USP43: variants seen among roughly 807,000 people sequenced by gnomAD.
The protein encoded by USP43 is ubiquitin carboxyl-terminal hydrolase 43.
A neutral mutation model predicts 90.7 loss-of-function variants in USP43; 33 were observed. The ratio of observed to expected loss-of-function variants is 0.36; its 90% CI spans 0.28 to 0.49. The LOEUF (loss-of-function observed/expected upper bound fraction) is 0.49. Ranked by LOEUF, USP43 falls within the 20% of genes least tolerant of loss-of-function variation. The pLI is 0.98. For synonymous variants in USP43, 598 were observed against 615.8 expected (o/e 0.97, Z 0.43); for missense variants, 1,274 against 1,476.4 (o/e 0.86, Z 2.25).
intron 9 of USP43, among the ~76,000 whole-genome samples, chr17:9,698,060 C>G (rs932840323): frequency 6.6e-6 from 1 of 152,160 alleles, no homozygotes; most frequent in Non-Finnish European, 1.5e-5. Context: ...TTCACTGTGG[C>G]TTTAATTTGC....
intron 1 of USP43, among the ~76,000 whole-genome samples, chr17:9,653,540 G>C (rs1203573646): frequency 6.6e-6 from 1 of 151,852 alleles, no homozygotes; most frequent in African/African-American, 2.4e-5. Flanking sequence ...GTGAGCCAAG[G>C]TCGTGCCATT....
chr17:9,693,001 CG>C (rs1238432039), intron 8 of USP43, 125 bp from the exon 9 acceptor site: 1 of 753,424 alleles, frequency 1.3e-6, no homozygotes, highest in Admixed American at 2.9e-5. Flanking sequence ...CTAATTATTA[CG>C]GGAATATTCA....
intron 1 of USP43, among the ~76,000 whole-genome samples, chr17:9,650,078 T>TA (rs1260514183): frequency 6.6e-6 from 1 of 152,192 alleles, no homozygotes; most frequent in African/African-American, 2.4e-5. Context: ...TTACGTTTTG[T>TA]AAGTTCTGGA....
chr17:9,657,534 C>A lies in USP43; in HGVS notation c.636+1000C>A, dbSNP rs187099492. 7.1e-4 allele frequency among the ~76,000 whole-genome samples: 108 copies of A among 152,048 alleles called. 2 individuals are homozygous for A. The highest frequency in any genetic ancestry group is 6.9e-3 in the Admixed American group (106 of 15,256). On this transcript the variant is annotated intron_variant, in intron 2 of 14. Transcript: ENST00000285199. ...AGAAAAGAAAAAAAAGGAGACATAC[C>A]TGAGACTGGGTAATTTATAAGGGAA... is the stretch of plus-strand genomic sequence containing the variant.
In USP43 at chr17:9,676,885, T is replaced by G; in HGVS notation, c.969+4T>G. The G allele has an allele frequency of 1.2e-6, 2 of 1,612,924 alleles. No homozygotes were observed. The highest frequency in any genetic ancestry group is 1.1e-5 in the South Asian group (1 of 90,914). The stretch of plus-strand genomic sequence containing the variant: ...AGGAGGCGTCCCTGCAGATGAGGTG[T>G]GATAGAATTGCACTGGGGCCTGGTC... On this transcript the variant is annotated splice_donor_region_variant and intron_variant, in intron 5 of 14. Transcript: ENST00000285199.
intron 5 of USP43, among the ~76,000 whole-genome samples, chr17:9,679,668 G>A (rs1164267124): frequency 6.6e-6 from 1 of 151,914 alleles, no homozygotes; most frequent in African/African-American, 2.4e-5. Context: ...TGGGACTACA[G>A]GCACCCAAAA....
intron 14 of USP43, among the ~76,000 whole-genome samples, chr17:9,722,249 C>T (rs1917000153): frequency 2.0e-5 from 3 of 152,110 alleles, no homozygotes. Flanking sequence ...CCCTTTTCTT[C>T]TTTCTTTTTG....
At chr17:9,695,940 C>T (rs918347025) in intron 9 of USP43, among the ~76,000 whole-genome samples, 10 of 152,112 alleles carry the variant, frequency 6.6e-5, no homozygotes, top group Non-Finnish European at 7.4e-5. Context: ...TGTTGTAGCA[C>T]GCATTAGAAT....
intron 1 of USP43, 43 bp from the exon 2 acceptor site, chr17:9,656,360 T>C (rs1489872229): frequency 6.3e-7 from 1 of 1,594,780 alleles, no homozygotes; most frequent in Non-Finnish European, 8.5e-7. Context: ...TTTGGTTGTA[T>C]AAGGGGCCAA....
At chr17:9,663,282 T>C (rs1039416805) in intron 2 of USP43, among the ~76,000 whole-genome samples, 6 of 150,106 alleles carry the variant, frequency 4.0e-5, no homozygotes, top group African/African-American at 2.4e-5. Flanking sequence ...CAAGTACCGG[T>C]GTGGGGATTT....
At chr17:9,727,199 T>G (rs557782459) in intron 14 of USP43, among the ~76,000 whole-genome samples, 1 of 152,322 alleles carries the variant, frequency 6.6e-6, no homozygotes, top group African/African-American at 2.4e-5. Flanking sequence ...CTCGAACTCC[T>G]GACCTTGTGA....
At position 9,701,985 on chromosome 17, in the gene USP43, G is replaced by A. The variant is rs541302278; in HGVS notation, c.2011+285G>A. Reference sequence around the variant, plus strand: ...ACCCATAGGCAGGGCACGGTAGTGTGGCTGTCTCGCACCATGTGCGAGAGC... The same window carrying A: ...ACCCATAGGCAGGGCACGGTAGTGTAGCTGTCTCGCACCATGTGCGAGAGC... On this transcript the variant is annotated intron_variant, in intron 12 of 14. Coordinates refer to ENST00000285199, the MANE Select transcript of USP43 (RefSeq NM_153210.5). The surrounding 1 kb of genome is among the most constrained non-coding windows in gnomAD (Gnocchi z 7.2). Among the ~76,000 whole-genome samples, 2 of 152,346 alleles carry A rather than the reference G, an allele frequency of 1.3e-5. No homozygotes were observed. The highest frequency in any genetic ancestry group is 2.1e-4 in the South Asian group (1 of 4,824).
In USP43 at chr17:9,680,333, G is replaced by C; in HGVS notation, c.1072G>C (p.Val358Leu). ...AEGDNVYAFQ[V>L]PPSPSQGTLS... ...GGGAGATAATGTGTATGCCTTTCAA[G>C]TTCCTCCCTCACCCAGCCAGGGGAC... The change falls in exon 6 of 15, where the codon GTT becomes CTT. Residue 358 changes from valine to leucine, a missense_variant. This residue lies in a region of USP43 where 253 missense variants were observed against 276.0 expected (regional missense o/e 0.92). Coordinates refer to ENST00000285199, the MANE Select transcript of USP43 (RefSeq NM_153210.5). 6.2e-7 allele frequency: 1 copy of C among 1,613,860 alleles called. No homozygotes were observed. Among genetic ancestry groups the C allele is most frequent in the African/African-American group, 1.3e-5 (1 of 75,016 alleles).
chr17:9,681,180 A>G lies in USP43; in HGVS notation c.1105+814A>G, dbSNP rs1454520157. ...TATACTATATAATATATACTATATA[A>G]TATACTATATAATATATACTATATA... is the stretch of plus-strand genomic sequence containing the variant. On this transcript the variant is annotated intron_variant, in intron 6 of 14. Transcript: ENST00000285199. Among the ~76,000 whole-genome samples the G allele has an allele frequency of 5.3e-3, 272 of 51,738 alleles. 27 individuals are homozygous for G. Among genetic ancestry groups the G allele is most frequent in the African/African-American group, 0.037 (265 of 7,178 alleles). The allele number at this position is 51,738 out of a possible 152,430, so 33.9% of individuals were successfully genotyped here. A position where few individuals can be genotyped will look rare whatever the true frequency, so the allele number is the denominator to read the frequency against.
rs762340560 is a variant in USP43 at position 9,686,930 on chromosome 17, T to C, written c.1353+21T>C. The C allele has an allele frequency of 1.9e-6, 3 of 1,589,434 alleles. No homozygotes were observed. The highest frequency in any genetic ancestry group is 1.1e-5 in the South Asian group (1 of 90,008). Reference sequence around the variant, plus strand: ...TACAGGTCAGTGGTGTGCATGCGTGTGTGTGTGTGTGCGTGCATGCGCATG... The same window carrying C: ...TACAGGTCAGTGGTGTGCATGCGTGCGTGTGTGTGTGCGTGCATGCGCATG... On this transcript the variant is annotated intron_variant, in intron 8 of 14. Transcript: ENST00000285199. This position sits in a 1 kb window ranked among gnomAD's most constrained non-coding sequence, Gnocchi z 5.5.
intron 2 of USP43, among the ~76,000 whole-genome samples, chr17:9,663,053 A>G (rs1912753396): frequency 6.6e-6 from 1 of 151,440 alleles, no homozygotes; most frequent in South Asian, 2.1e-4. Context: ...CCTGACCTCA[A>G]GTAATCCACT....
chr17:9,645,788 C>A lies in USP43; in HGVS notation c.156C>A (p.His52Gln), dbSNP rs1911342855. The change falls in exon 1 of 15, where the codon CAC (histidine) becomes CAA (glutamine). Residue 52 changes from histidine to glutamine, a missense_variant. His to Gln is a conservative substitution (Grantham distance 24). Coordinates refer to ENST00000285199, the MANE Select transcript of USP43 (RefSeq NM_153210.5). This position sits in a 1 kb window ranked among gnomAD's most constrained non-coding sequence, Gnocchi z 6.8. ...GDSPPRPQPG[H>Q]CDGDGEGGFA... ...CACCGCCCCGGCCCCAGCCGGGACA[C>A]TGTGATGGCGACGGTGAGGGGGGCT... 1.4e-6 allele frequency: 2 copies of A among 1,392,516 alleles called. No homozygotes were observed. The highest frequency in any genetic ancestry group is 9.2e-7 in the Non-Finnish European group (1 of 1,082,042). 86.3% of individuals were successfully genotyped at this position (1,392,516 alleles called of 1,614,324 possible).
chr17:9,672,231 A>G (rs1567655384), intron 3 of USP43, among the ~76,000 whole-genome samples: 1 of 152,134 alleles, frequency 6.6e-6, no homozygotes, highest in Non-Finnish European at 1.5e-5. Flanking sequence ...TTCTGACCTC[A>G]GGTGATTGCC....
intron 14 of USP43, among the ~76,000 whole-genome samples, chr17:9,727,158 G>T (rs929020580): frequency 2.6e-5 from 4 of 152,142 alleles, no homozygotes; most frequent in Non-Finnish European, 5.9e-5. Flanking sequence ...TTTTAGTAGA[G>T]ATGGGGTTTC....
Sources: allele counts gnomAD v4.1 joint callset (sites outside exome capture counted in the v4.1 genomes callset), GRCh38; gene constraint gnomAD v4.1.1; regional missense constraint gnomAD v4.1.1; non-coding constraint Gnocchi (gnomAD v3.1); transcripts MANE v1.5; gene names NCBI Gene and HGNC (gene_info 2026-07-23, HGNC 2026-07-21).